GPD1L: variants seen among roughly 807,000 people sequenced by gnomAD.
GPD1L encodes the protein glycerol-3-phosphate dehydrogenase 1 like.
A neutral mutation model predicts 32.9 loss-of-function variants in GPD1L; 17 were observed. That is an observed-to-expected ratio of 0.52 (90% CI 0.35 to 0.78). The LOEUF (loss-of-function observed/expected upper bound fraction) is 0.78. Among genes scored for constraint, GPD1L ranks in the 30% least tolerant of loss-of-function variants. The pLI is 0.01. For missense variants in GPD1L, 361 were observed against 447.8 expected (o/e 0.81, Z 1.75); for synonymous variants, 187 against 165.9 (o/e 1.13, Z -0.98).
At chr3:32,125,000 C>T (rs1044232259) in intron 1 of GPD1L, among the ~76,000 whole-genome samples, 18 of 148,970 alleles carry the variant, frequency 1.2e-4, no homozygotes, top group African/African-American at 3.0e-4. Context: ...TGGTCCTCCT[C>T]CTCCATGCCC....
intron 4 of GPD1L, among the ~76,000 whole-genome samples, chr3:32,142,515 A>G (rs1700759376): frequency 6.6e-6 from 1 of 152,212 alleles, no homozygotes; most frequent in African/African-American, 2.4e-5. Context: ...TACATATATG[A>G]ATATGTCTTA....
chr3:32,145,039 C>A (rs1700799877), intron 4 of GPD1L, among the ~76,000 whole-genome samples: 1 of 151,356 alleles, frequency 6.6e-6, no homozygotes, highest in African/African-American at 2.4e-5. Flanking sequence ...AATTCGCGGG[C>A]CGGGTGCGGT....
At chr3:32,151,171 G>C in intron 5 of GPD1L, 1 of 580,362 alleles carries the variant, frequency 1.7e-6, no homozygotes. Context: ...GGTGGAGCAG[G>C]CTGGTACTTC....
intron 1 of GPD1L, among the ~76,000 whole-genome samples, chr3:32,118,981 A>T (rs1338047158): frequency 2.0e-5 from 3 of 152,212 alleles, no homozygotes; most frequent in Admixed American, 6.5e-5. Context: ...ATCCCATTGC[A>T]TGTGTAGACC....
intron 4 of GPD1L, among the ~76,000 whole-genome samples, chr3:32,145,607 G>C (rs763635212): frequency 2.6e-5 from 4 of 152,250 alleles, no homozygotes; most frequent in Admixed American, 2.6e-4. Context: ...CAATGTTCAG[G>C]AGCATGCTTC....
rs1027549403 is a variant in GPD1L at position 32,162,542 on chromosome 3, C to T, written c.959+2868C>T. ...CTGGGACTACAGGCGCCCGCCACCG[C>T]GCCCGGCTAATTTTTTGTATTTTTA... On this transcript the variant is annotated intron_variant, in intron 7 of 7. Transcript: ENST00000282541. Among the ~76,000 whole-genome samples, 14 of 109,832 alleles carry T rather than the reference C, an allele frequency of 1.3e-4. 1 individual carries two copies. The highest frequency in any genetic ancestry group is 3.1e-4 in the South Asian group (1 of 3,212). 72.1% of individuals were successfully genotyped at this position (109,832 alleles called of 152,430 possible).
intron 2 of GPD1L, among the ~76,000 whole-genome samples, chr3:32,138,293 G>A (rs1559576269): frequency 6.6e-6 from 1 of 152,160 alleles, no homozygotes; most frequent in African/African-American, 2.4e-5. Context: ...TGGTGAGGTG[G>A]GAGAGCAACA....
chr3:32,165,780 C>G, intron 7 of GPD1L, 34 bp from the exon 8 acceptor site: 1 of 1,144,940 alleles, frequency 8.7e-7, no homozygotes, highest in Non-Finnish European at 1.3e-6. Context: ...ATCCAGTGGC[C>G]TAACTTTGTC....
intron 5 of GPD1L, among the ~76,000 whole-genome samples, chr3:32,152,860 ACAGAC>A (rs1312530386): frequency 1.9e-4 from 11 of 59,010 alleles, no homozygotes; most frequent in African/African-American, 1.1e-3. Flanking sequence ...AAAAAAAAAG[ACAGAC>A]AAAGAGCACG....
At chr3:32,149,729 C>T (rs1258671821) in intron 5 of GPD1L, among the ~76,000 whole-genome samples, 6 of 152,138 alleles carry the variant, frequency 3.9e-5, no homozygotes, top group Non-Finnish European at 5.9e-5. Flanking sequence ...GGGTGGATCA[C>T]GTGAGTATGG....
intron 2 of GPD1L, among the ~76,000 whole-genome samples, chr3:32,132,494 G>C (rs1202261605): frequency 6.6e-6 from 1 of 152,170 alleles, no homozygotes; most frequent in African/African-American, 2.4e-5. Context: ...ATTAATTTTT[G>C]CTGAAAGCCT....
intron 1 of GPD1L, among the ~76,000 whole-genome samples, chr3:32,124,316 C>T (rs545284654): frequency 4.5e-4 from 68 of 152,346 alleles, no homozygotes; most frequent in African/African-American, 1.5e-3. Flanking sequence ...CCACCCGCCT[C>T]GGCCTCCCAA....
chr3:32,155,416 C>T (rs1482626950), intron 5 of GPD1L, among the ~76,000 whole-genome samples: 1 of 152,142 alleles, frequency 6.6e-6, no homozygotes, highest in East Asian at 1.9e-4. Context: ...TGACAGGAGC[C>T]CCTTGTTGAA....
chr3:32,143,600 T>C (rs1019637265), intron 4 of GPD1L, among the ~76,000 whole-genome samples: 2 of 152,096 alleles, frequency 1.3e-5, no homozygotes, highest in Admixed American at 6.5e-5. Context: ...TCTTAGCACT[T>C]TGGGAGGCCA....
chr3:32,132,551 C>G (rs1314169514), intron 2 of GPD1L, among the ~76,000 whole-genome samples: 1 of 152,194 alleles, frequency 6.6e-6, no homozygotes, highest in African/African-American at 2.4e-5. Context: ...AGTGTTACTC[C>G]TTTCCTCCCT....
chr3:32,143,867 A>G (rs1700783484), intron 4 of GPD1L, among the ~76,000 whole-genome samples: 1 of 152,172 alleles, frequency 6.6e-6, no homozygotes, highest in Non-Finnish European at 1.5e-5. Context: ...CTATGGTCCC[A>G]GGTACTCGAG....
rs759180118 is a variant in GPD1L, at chr3:32,159,079, G to A, written c.822G>A (p.Arg274=). ...CCTGTTACGGAGGGCGGAACCGCAG[G>A]GTGGCCGAGGCCTTCGCCAGAACTG... ...ITTCYGGRNR[R]VAEAFARTGK... Residue 274 remains arginine (R), a synonymous_variant, in exon 6 of 8, where the codon AGG becomes AGA. Coordinates refer to ENST00000282541, the MANE Select transcript of GPD1L (RefSeq NM_015141.4). 1.2e-5 allele frequency: 20 copies of A among 1,613,610 alleles called. No individual in the cohort carries two copies. Among genetic ancestry groups the A allele is most frequent in the Non-Finnish European group, 1.7e-5 (20 of 1,180,028 alleles).
intron 1 of GPD1L, among the ~76,000 whole-genome samples, chr3:32,108,365 G>A (rs147082307): frequency 0.046 from 7,062 of 152,210 alleles, 197 homozygotes; most frequent in Middle Eastern, 0.099. Flanking sequence ...AAATTAGCCA[G>A]GTGTGGTGGC....
intron 1 of GPD1L, among the ~76,000 whole-genome samples, chr3:32,119,649 TTGAC>T (rs1196787459): frequency 6.6e-6 from 1 of 152,254 alleles, no homozygotes; most frequent in Non-Finnish European, 1.5e-5. Flanking sequence ...TAAAAGCCCT[TTGAC>T]TGCAAAGAAT....
Sources: allele counts gnomAD v4.1 joint callset (sites outside exome capture counted in the v4.1 genomes callset), GRCh38; gene constraint gnomAD v4.1.1; transcripts MANE v1.5; gene names NCBI Gene and HGNC (gene_info 2026-07-23, HGNC 2026-07-21).